CABIN1: variants seen among roughly 807,000 people sequenced by gnomAD.
CABIN1 encodes calcineurin binding protein 1.
A neutral mutation model predicts 227.7 loss-of-function variants in CABIN1; 133 were observed. The observed-to-expected ratio is 0.58, with a 90% CI of 0.51 to 0.67. The LOEUF is 0.67. Among genes scored for constraint, CABIN1 ranks in the 30% least tolerant of loss-of-function variants. The pLI, the probability that CABIN1 is intolerant of heterozygous loss-of-function variation, is 0.00. For synonymous variants in CABIN1, 1,086 were observed against 1,155.1 expected (o/e 0.94, Z 1.21); for missense variants, 2,408 against 2,852.5 (o/e 0.84, Z 3.55).
chr22:24,087,046 G>A (rs2041216796), intron 22 of CABIN1, among the ~76,000 whole-genome samples: 1 of 152,210 alleles, frequency 6.6e-6, no homozygotes, highest in South Asian at 2.1e-4. Flanking sequence ...TAGCTGGACT[G>A]CTGCTGCCTT....
intron 6 of CABIN1, among the ~76,000 whole-genome samples, chr22:24,047,028 C>T (rs1005981957): frequency 8.5e-5 from 13 of 152,226 alleles, no homozygotes; most frequent in African/African-American, 2.9e-4. Flanking sequence ...TTAGGGAGGG[C>T]GATCTGCTTT....
chr22:24,098,307 G>T, intron 26 of CABIN1, 115 bp downstream of exon 26: 1 of 1,580,978 alleles, frequency 6.3e-7, no homozygotes, highest in Non-Finnish European at 8.6e-7. Flanking sequence ...TGGGTCTGGG[G>T]TGACACGGGC....
Position 24,116,803 on chromosome 22 carries a change from T to C in CABIN1, c.4301-2564T>C, listed in dbSNP as rs553581474. On this transcript the variant is annotated intron_variant, in intron 27 of 36. Transcript: ENST00000263119. Reference sequence around the variant, plus strand: ...CAGCTGGGGGCATGTCTGTGCCTTATTCTTCTTAGGACCTCCATGGGCTGA... The same window carrying C: ...CAGCTGGGGGCATGTCTGTGCCTTACTCTTCTTAGGACCTCCATGGGCTGA... Among the ~76,000 whole-genome samples the C allele has an allele frequency of 5.9e-5, 9 of 152,324 alleles. No homozygotes were observed. The East Asian group carries it at 1.7e-3, about 29-fold the overall frequency.
chr22:24,096,782 G>T (rs1336809099), intron 25 of CABIN1, among the ~76,000 whole-genome samples: 1 of 152,232 alleles, frequency 6.6e-6, no homozygotes, highest in Admixed American at 6.5e-5. Flanking sequence ...CATGCTCAGG[G>T]TCACCACCTG....
chr22:24,098,113 A>C lies in CABIN1; in HGVS notation c.4038A>C (p.Thr1346=). The change falls in exon 26 of 37, where the codon ACA becomes ACC. Residue 1346 remains threonine, a synonymous_variant. Coordinates refer to ENST00000263119, the MANE Select transcript of CABIN1 (RefSeq NM_012295.4). ...CCTCCTCCTCTGGCCCAGGTCTGACATCCCCACCTTACACAGCCACTCCGA... is the reference window on the plus strand; with the variant it reads ...CCTCCTCCTCTGGCCCAGGTCTGACCTCCCCACCTTACACAGCCACTCCGA... The part of the protein sequence containing the change: ...SLPSSSGPGL[T]SPPYTATPID... The C allele has an allele frequency of 6.2e-7, 1 of 1,614,062 alleles. No individual in the cohort carries two copies. The highest frequency in any genetic ancestry group is 8.5e-7 in the Non-Finnish European group (1 of 1,180,006).
intron 29 of CABIN1, chr22:24,155,987 G>A (rs997758240): frequency 1.2e-4 from 69 of 562,032 alleles, no homozygotes; most frequent in Non-Finnish European, 1.8e-4. Context: ...GCCCCGGCCC[G>A]CCGCGAGCGA....
chr22:24,177,652 G>A lies in CABIN1; in HGVS notation c.6354G>A (p.Lys2118=). ...AGCCACCAGAGGGTCACCCAGGCAAGCCTGAGCCCAGCCGGGCTAAGTCCC... is the reference window on the plus strand; with the variant it reads ...AGCCACCAGAGGGTCACCCAGGCAAACCTGAGCCCAGCCGGGCTAAGTCCC... ...SAQPPEGHPG[K]PEPSRAKSRP... Residue 2118 remains lysine, a synonymous_variant, in exon 36 of 37, where the codon AAG becomes AAA. Transcript: ENST00000263119. This position sits in a 1 kb window ranked among gnomAD's most constrained non-coding sequence, Gnocchi z 4.4. 6.2e-7 allele frequency: 1 copy of A among 1,613,836 alleles called. No individual in the cohort carries two copies. The highest frequency in any genetic ancestry group is 8.5e-7 in the Non-Finnish European group (1 of 1,179,934).
intron 29 of CABIN1, among the ~76,000 whole-genome samples, chr22:24,153,671 A>G (rs2045620263): frequency 6.6e-6 from 1 of 151,986 alleles, no homozygotes; most frequent in Non-Finnish European, 1.5e-5. Flanking sequence ...TATCCATCTG[A>G]TGGGGCTTTG....
chr22:24,095,849 AT>A, intron 24 of CABIN1, 81 bp from the exon 25 acceptor site: 1 of 1,526,448 alleles, frequency 6.6e-7, no homozygotes, highest in Admixed American at 1.7e-5. Flanking sequence ...TCATGGGCCC[AT>A]TTCCAGTGTG....
Position 24,119,401 on chromosome 22 carries a change from C to T in CABIN1, c.4335C>T (p.Gly1445=). 2 of 1,613,964 alleles carry T rather than the reference C, an allele frequency of 1.2e-6. No homozygotes were observed. Among genetic ancestry groups the T allele is most frequent in the Non-Finnish European group, 1.7e-6 (2 of 1,180,032 alleles). The change falls in exon 28 of 37, where the codon GGC becomes GGT. Residue 1445 remains glycine, a synonymous_variant. Coordinates refer to ENST00000263119, the MANE Select transcript of CABIN1 (RefSeq NM_012295.4). ...KNEESLESTE[G]FRAAEQGVQK... Reference sequence around the variant, plus strand: ...AGGAGTCATTGGAGAGTACAGAAGGCTTCCGGGCTGCAGAGCAAGGTGTCC... The same window carrying T: ...AGGAGTCATTGGAGAGTACAGAAGGTTTCCGGGCTGCAGAGCAAGGTGTCC...
At chr22:24,030,733 G>A (rs1025689692) in intron 1 of CABIN1, among the ~76,000 whole-genome samples, 2 of 152,180 alleles carry the variant, frequency 1.3e-5, no homozygotes, top group African/African-American at 2.4e-5. Context: ...GGAGGTGGGA[G>A]GGATTGGGCT....
At chr22:24,093,986 T>G (rs1187984460) in intron 24 of CABIN1, among the ~76,000 whole-genome samples, 1 of 152,234 alleles carries the variant, frequency 6.6e-6, no homozygotes, top group Non-Finnish European at 1.5e-5. Context: ...AGCAGCAGCT[T>G]GGCTGCGCTC....
chr22:24,108,432 G>T (rs2042632664), intron 26 of CABIN1, among the ~76,000 whole-genome samples: 1 of 152,242 alleles, frequency 6.6e-6, no homozygotes, highest in South Asian at 2.1e-4. Context: ...CTGCCATTCA[G>T]TGCTCATGGA....
In CABIN1 at chr22:24,099,083, A is replaced by G. The variant is rs370858198; in HGVS notation, c.4117+891A>G. ...TATAGAGTGGCTCCTTGGAGTAAGA[A>G]TGGGCACTCTAGGGCACCATGGTAG... On this transcript the variant is annotated intron_variant, in intron 26 of 36. Coordinates refer to ENST00000263119, the MANE Select transcript of CABIN1 (RefSeq NM_012295.4). 3.3e-5 allele frequency among the ~76,000 whole-genome samples: 5 copies of G among 152,246 alleles called. No homozygotes were observed. The South Asian group carries it at 8.3e-4, about 25-fold the overall frequency.
In CABIN1 at chr22:24,036,092, C is replaced by A; in HGVS notation, c.7C>A (p.Arg3=). 1 of 1,612,726 alleles carries A rather than the reference C, an allele frequency of 6.2e-7. No homozygotes were observed. The part of the protein sequence containing the change: MI[R]IAALNASSTI... The stretch of plus-strand genomic sequence containing the variant: ...TCCACCAAACCCCTGTTTCTAGATT[C>A]GAATTGCAGCCTTAAATGCCAGCTC... The change falls in exon 3 of 37, where the codon CGA becomes AGA. Residue 3 remains arginine, a synonymous_variant. Transcript: ENST00000263119.
intron 19 of CABIN1, among the ~76,000 whole-genome samples, chr22:24,076,569 T>G (rs998889289): frequency 4.6e-5 from 7 of 152,206 alleles, no homozygotes; most frequent in Admixed American, 1.3e-4. Flanking sequence ...TAGTCCTTAC[T>G]GAGTTTCTTC....
intron 16 of CABIN1, among the ~76,000 whole-genome samples, chr22:24,068,857 AAT>A: frequency 1.3e-5 from 2 of 152,248 alleles, no homozygotes; most frequent in Middle Eastern, 6.8e-3. Flanking sequence ...AGAGTGGAGA[AAT>A]ATTCATCCAT....
intron 29 of CABIN1, among the ~76,000 whole-genome samples, chr22:24,136,739 G>GCACACACA (rs200091743): frequency 3.6e-5 from 5 of 139,654 alleles, no homozygotes; most frequent in African/African-American, 1.0e-4. Context: ...ACACACACAC[G>GCACACACA]CACACACACA....
chr22:24,054,952 A>G lies in CABIN1; in HGVS notation c.886A>G (p.Lys296Glu), dbSNP rs759898543. ...TCEPPRPSLG[K>E]RIDLSDYQDP... ...TGAGCCCCCACGTCCCAGCCTTGGC[A>G]AAAGGATTGATTTGTCGGACTACCA... The change falls in exon 9 of 37, where the codon AAA (lysine) becomes GAA (glutamate). Residue 296 changes from lysine (K) to glutamate (E), a missense_variant. Physicochemically the swap from Lys to Glu is moderately conservative, Grantham distance 56. Coordinates refer to ENST00000263119, the MANE Select transcript of CABIN1 (RefSeq NM_012295.4). 5 of 1,614,200 alleles carry G rather than the reference A, an allele frequency of 3.1e-6. No homozygotes were observed. The East Asian group carries it at 1.1e-4, about 36-fold the overall frequency.
Sources: gnomAD v4.1 joint callset for allele counts (sites outside exome capture counted in the v4.1 genomes callset) on GRCh38, gnomAD v4.1.1 for gene constraint, Gnocchi (gnomAD v3.1) non-coding constraint, MANE v1.5 for transcripts, NCBI Gene and HGNC (gene_info 2026-07-23, HGNC 2026-07-21) for gene names.